The following NRBF2 variants were observed in gnomAD, a reference collection of about 807,000 sequenced individuals.
The protein encoded by NRBF2 is nuclear receptor-binding factor 2.
A neutral mutation model predicts 28.5 loss-of-function variants in NRBF2; 12 were observed. The ratio of observed to expected loss-of-function variants is 0.42; its 90% CI spans 0.27 to 0.68. The LOEUF (loss-of-function observed/expected upper bound fraction) is 0.68, where lower values mean the gene tolerates loss of function less well. Ranked by LOEUF, NRBF2 falls within the 30% of genes least tolerant of loss-of-function variation. The pLI, the probability that NRBF2 is intolerant of heterozygous loss-of-function variation, is 0.24. For missense variants in NRBF2, 274 were observed against 333.5 expected (o/e 0.82, Z 1.39); for synonymous variants, 102 against 116.5 (o/e 0.88, Z 0.80).
intron 1 of NRBF2, among the ~76,000 whole-genome samples, chr10:63,138,992 A>C (rs569906563): frequency 6.6e-6 from 1 of 152,094 alleles, no homozygotes; most frequent in South Asian, 2.1e-4. Context: ...TGCTGTGTTC[A>C]TATGGTGTTC....
In NRBF2 at chr10:63,133,351, C is replaced by T. The variant is rs775218253; in HGVS notation, c.-120C>T. 7.7e-5 allele frequency: 93 copies of T among 1,202,218 alleles called. No individual in the cohort carries two copies. Among genetic ancestry groups the T allele is most frequent in the Non-Finnish European group, 1.1e-4 (91 of 835,806 alleles). 74.5% of individuals were successfully genotyped at this position (1,202,218 alleles called of 1,614,324 possible). On this transcript the variant is annotated 5_prime_UTR_variant, in exon 1 of 4. Transcript: ENST00000277746. ...TTGCTCCTTCAGCGCCTATCGCTGGCTCTTGGGGCGCAGAGAGGGGCCGCA... is the reference window on the plus strand; with the variant it reads ...TTGCTCCTTCAGCGCCTATCGCTGGTTCTTGGGGCGCAGAGAGGGGCCGCA...
At position 63,154,969 on chromosome 10, in the gene NRBF2, G is replaced by C. The variant is rs759753234; in HGVS notation, c.*751G>C. On this transcript the variant is annotated 3_prime_UTR_variant, in exon 4 of 4. Transcript: ENST00000277746. ...TGTTTTTAATGATGCAAGAGTGGAC[G>C]TAATGCTAGTTGGCAGTATTTTATT... The C allele has an allele frequency of 1.3e-5, 2 of 152,458 alleles. No homozygotes were observed. Among genetic ancestry groups the C allele is most frequent in the African/African-American group, 4.8e-5 (2 of 41,454 alleles). The allele number at this position is 152,458 out of a possible 1,614,324, so 9.4% of individuals were successfully genotyped here.
intron 1 of NRBF2, among the ~76,000 whole-genome samples, chr10:63,135,378 A>G (rs1206542148): frequency 6.6e-6 from 1 of 152,166 alleles, no homozygotes; most frequent in African/African-American, 2.4e-5. Flanking sequence ...TTAGCTTCAC[A>G]TTATTTGGCT....
At chr10:63,141,210 G>A (rs1841461816) in intron 1 of NRBF2, among the ~76,000 whole-genome samples, 1 of 152,168 alleles carries the variant, frequency 6.6e-6, no homozygotes, top group South Asian at 2.1e-4. Flanking sequence ...GAGTGAGGGA[G>A]GAAGATTGCT....
At chr10:63,133,548 A>G (rs1841321872) in intron 1 of NRBF2, 48 bp downstream of exon 1, 12 of 1,432,758 alleles carry the variant, frequency 8.4e-6, no homozygotes, top group African/African-American at 1.4e-5. Context: ...CCTTTGCCTC[A>G]GGAGCCCGGC....
chr10:63,142,759 ATTTCT>A (rs1281367171), intron 1 of NRBF2, among the ~76,000 whole-genome samples: 1 of 82,324 alleles, frequency 1.2e-5, no homozygotes, highest in African/African-American at 4.9e-5. Flanking sequence ...GCCCCCAGTC[ATTTCT>A]TTTCTTTCTT....
Position 63,153,927 on chromosome 10 carries a change from A to G in NRBF2, c.573A>G (p.Arg191=), listed in dbSNP as rs552259607. The change falls in exon 4 of 4, where the codon AGA becomes AGG. Residue 191 remains arginine, a synonymous_variant. Transcript: ENST00000277746. ...HVEFLVAENE[R]LRKENKQLKA... The stretch of plus-strand genomic sequence containing the variant: ...AATTCCTTGTGGCTGAGAATGAAAG[A>G]TTAAGGAAAGAAAATAAACAACTAA... The G allele has an allele frequency of 6.2e-7, 1 of 1,611,988 alleles. No homozygotes were observed. Among genetic ancestry groups the G allele is most frequent in the South Asian group, 1.1e-5 (1 of 90,988 alleles).
At chr10:63,145,468 C>T (rs1841545974) in intron 1 of NRBF2, among the ~76,000 whole-genome samples, 1 of 152,226 alleles carries the variant, frequency 6.6e-6, no homozygotes, top group Admixed American at 6.5e-5. Flanking sequence ...CTCAGCCTCC[C>T]AAAGTGCTGG....
At chr10:63,135,739 C>T (rs1841365707) in intron 1 of NRBF2, among the ~76,000 whole-genome samples, 1 of 151,754 alleles carries the variant, frequency 6.6e-6, no homozygotes, top group African/African-American at 2.4e-5. Context: ...CTCCGACTCC[C>T]TGGTTTAAGC....
chr10:63,152,188 CAGGTGAGACATATTCCCA>C lies in NRBF2; in HGVS notation c.156_156+17del. ...AGCCATGAAGCTGACACAGTCAGAG[CAGGTGAGACATATTCCCA>C]ATATTTGCGACAAGGGTTAGAAAGG... On this transcript the variant is annotated splice_donor_variant and splice_donor_5th_base_variant and coding_sequence_variant and intron_variant, in exon 3 of 4. Transcript: ENST00000277746. LOFTEE classifies it high-confidence loss of function. 6.2e-7 allele frequency: 1 copy of C among 1,612,844 alleles called. No homozygotes were observed. Among genetic ancestry groups the C allele is most frequent in the Non-Finnish European group, 8.5e-7 (1 of 1,179,042 alleles).
chr10:63,146,140 A>T, intron 1 of NRBF2, 69 bp from the exon 2 acceptor site: 1 of 1,125,748 alleles, frequency 8.9e-7, no homozygotes, highest in Non-Finnish European at 1.4e-6. Flanking sequence ...CTTAAAAGGT[A>T]GTTGCTTTTT....
At chr10:63,134,027 C>G (rs924529279) in intron 1 of NRBF2, among the ~76,000 whole-genome samples, 44 of 150,850 alleles carry the variant, frequency 2.9e-4, no homozygotes, top group African/African-American at 1.0e-3. Flanking sequence ...CTCCACTTCC[C>G]CCTCATTTCT....
At chr10:63,151,063 C>T (rs540863371) in intron 2 of NRBF2, among the ~76,000 whole-genome samples, 16 of 152,256 alleles carry the variant, frequency 1.1e-4, no homozygotes, top group African/African-American at 3.1e-4. Context: ...AGACCAGTAC[C>T]GGCCTGGGGG....
At chr10:63,141,930 T>A (rs953186243) in intron 1 of NRBF2, among the ~76,000 whole-genome samples, 1 of 152,186 alleles carries the variant, frequency 6.6e-6, no homozygotes, top group Non-Finnish European at 1.5e-5. Flanking sequence ...GAGATTTAAC[T>A]CCTAAATTGG....
At chr10:63,150,713 A>G (rs1345513510) in intron 2 of NRBF2, among the ~76,000 whole-genome samples, 1 of 152,252 alleles carries the variant, frequency 6.6e-6, no homozygotes, top group Non-Finnish European at 1.5e-5. Context: ...ATGTAATAAT[A>G]GAAATAAATA....
rs576194981 is a variant in NRBF2 at position 63,153,587 on chromosome 10, C to T, written c.233C>T (p.Ala78Val). ...CTCATCCAAGAGAGATGGAAAAGGGCCCAGCGTGAAGAAAGATTGAAAGCC... is the reference window on the plus strand; with the variant it reads ...CTCATCCAAGAGAGATGGAAAAGGGTCCAGCGTGAAGAAAGATTGAAAGCC... ...LLLIQERWKR[A>V]QREERLKAQQ... Residue 78 changes from alanine (A) to valine (V), a missense_variant, in exon 4 of 4, where the codon GCC (alanine) becomes GTC (valine). Physicochemically the swap from Ala to Val is moderately conservative, Grantham distance 64. Transcript: ENST00000277746. 3 of 1,611,878 alleles carry T rather than the reference C, an allele frequency of 1.9e-6. No individual in the cohort carries two copies. The highest frequency in any genetic ancestry group is 1.3e-5 in the African/African-American group (1 of 74,934).
intron 1 of NRBF2, among the ~76,000 whole-genome samples, chr10:63,135,559 CAG>C (rs561830057): frequency 9.9e-5 from 15 of 151,902 alleles, no homozygotes; most frequent in South Asian, 6.2e-4. Flanking sequence ...CGAGTTTCGA[CAG>C]AGTCTTTTTA....
At chr10:63,150,759 G>T (rs1265555542) in intron 2 of NRBF2, among the ~76,000 whole-genome samples, 2 of 152,160 alleles carry the variant, frequency 1.3e-5, no homozygotes, top group Non-Finnish European at 2.9e-5. Context: ...ATCAGTGGGA[G>T]CCCTGAGCTT....
At chr10:63,147,625 T>TTTTA (rs1841583379) in intron 2 of NRBF2, among the ~76,000 whole-genome samples, 1 of 150,968 alleles carries the variant, frequency 6.6e-6, no homozygotes, top group Admixed American at 6.6e-5. Context: ...TTTTTTTTTT[T>TTTTA]TTTTAAGTTC....
Sources: gnomAD v4.1 joint callset for allele counts (sites outside exome capture counted in the v4.1 genomes callset) on GRCh38, gnomAD v4.1.1 for gene constraint, MANE v1.5 for transcripts, NCBI Gene and HGNC (gene_info 2026-07-23, HGNC 2026-07-21) for gene names.